Variants in ZAP70 observed in about 807,000 individuals in gnomAD.
The protein encoded by ZAP70 is tyrosine-protein kinase ZAP-70.
ZAP70 carries 27 observed loss-of-function variants against 65.8 expected under a neutral mutation model. The observed-to-expected ratio is 0.41, with a 90% confidence interval of 0.30 to 0.57. The LOEUF is 0.57. Ranked by LOEUF, ZAP70 falls within the 20% of genes least tolerant of loss-of-function variation. The probability of loss-of-function intolerance (pLI) is 0.28; values close to 1 mark genes in which losing one functional copy is unlikely to be tolerated. For missense variants in ZAP70, 696 were observed against 870.5 expected, an observed-to-expected ratio of 0.80 and a Z score of 2.52; for synonymous variants, 363 against 360.8, an observed-to-expected ratio of 1.01 and a Z score of -0.07.
At chr2:97,723,898 G>A in intron 2 of ZAP70, 118 bp from the exon 3 acceptor site, 1 of 1,160,126 alleles carries the variant, frequency 8.6e-7, no homozygotes, top group East Asian at 2.6e-5. Flanking sequence ...TGCCCCCTTG[G>A]CGAGCTCAGT....
rs1321053518 is a variant in ZAP70, at chr2:97,731,762, C to T, written c.564-1121C>T. Among the ~76,000 whole-genome samples the T allele has an allele frequency of 6.6e-6, 1 of 152,238 alleles. No individual in the cohort carries two copies. The highest frequency in any genetic ancestry group is 1.5e-5 in the Non-Finnish European group (1 of 68,044). On this transcript the variant is annotated intron_variant, in intron 4 of 13. Coordinates refer to ENST00000264972, the MANE Select transcript of ZAP70 (RefSeq NM_001079.4). This position sits in a 1 kb window ranked among gnomAD's most constrained non-coding sequence, Gnocchi z 4.0. ...AAAGACTTGTCCAGTGAATGAACATCCACAGGCAGGGCCAGGCCTGGTCTG... is the reference window on the plus strand; with the variant it reads ...AAAGACTTGTCCAGTGAATGAACATTCACAGGCAGGGCCAGGCCTGGTCTG...
rs1263533157 is a variant in ZAP70 at position 97,725,164 on chromosome 2, G to T, written c.475G>T (p.Glu159Ter). The T allele has an allele frequency of 1.2e-6, 2 of 1,614,184 alleles. No homozygotes were observed. Among genetic ancestry groups the T allele is most frequent in the Non-Finnish European group, 1.7e-6 (2 of 1,180,036 alleles). The part of the protein sequence containing the change: ...VEKLIATTAH[E>*]RMPWYHSSLT... ...GAAGCTCATTGCTACGACGGCCCAC[G>T]AGCGGATGCCCTGGTACCACAGCAG... The change falls in exon 4 of 14, where the codon GAG (glutamate) becomes TAG (stop). Residue 159 changes from glutamate (E) to a stop codon, truncating the protein, a stop_gained. Coordinates refer to ENST00000264972, the MANE Select transcript of ZAP70 (RefSeq NM_001079.4). LOFTEE classifies it high-confidence loss of function.
chr2:97,729,165 T>C (rs183133594), intron 4 of ZAP70, among the ~76,000 whole-genome samples: 9 of 152,370 alleles, frequency 5.9e-5, no homozygotes, highest in Admixed American at 2.6e-4. Context: ...CAGACAGTTA[T>C]ATGAGATCAT....
chr2:97,735,236 G>T lies in ZAP70; in HGVS notation c.1083-14G>T. The T allele has an allele frequency of 6.2e-7, 1 of 1,613,640 alleles. No individual in the cohort carries two copies. Among genetic ancestry groups the T allele is most frequent in the African/African-American group, 1.3e-5 (1 of 75,068 alleles). On this transcript the variant is annotated splice_polypyrimidine_tract_variant and intron_variant, in intron 9 of 13. Transcript: ENST00000264972. ...GCCCCTCGCCCACGTGCCTCCCGTG[G>T]CCGGGTCGGGCAGGAAGCAGATCGA...
At chr2:97,749,315 T>A in the ZAP70 span, among the ~76,000 whole-genome samples, 1 of 152,206 alleles carries the variant, frequency 6.6e-6, no homozygotes. Context: ...GGCTGACACT[T>A]CCTATTTTTA....
chr2:97,741,676 A>G (rs1678133793), downstream of ZAP70, among the ~76,000 whole-genome samples: 1 of 152,178 alleles, frequency 6.6e-6, no homozygotes, highest in African/African-American at 2.4e-5. Flanking sequence ...TTACCTCTCA[A>G]CGCAGCCTGG....
rs1200533663 is a variant in ZAP70 at position 97,715,996 on chromosome 2, C to T, written c.-22+2002C>T. On this transcript the variant is annotated intron_variant, in intron 2 of 13. Transcript: ENST00000264972. The surrounding 1 kb of genome is among the most constrained non-coding windows in gnomAD (Gnocchi z 4.1). ...ACTGAGGAGCAGAGACAGAGGCCAT[C>T]AGGGCTGTGATGTGGGAGGATGGGG... 2.0e-5 allele frequency among the ~76,000 whole-genome samples: 3 copies of T among 152,206 alleles called. No individual in the cohort carries two copies. Among genetic ancestry groups the T allele is most frequent in the Middle Eastern group, 3.4e-3 (1 of 294 alleles).
the ZAP70 span, among the ~76,000 whole-genome samples, chr2:97,747,815 G>T: frequency 3.3e-4 from 18 of 54,796 alleles, 1 homozygote; most frequent in South Asian, 0.013. Context: ...CTGGCACGAG[G>T]TTTTTTTTTT....
In ZAP70 at chr2:97,725,214, C is replaced by G. The variant is rs1677338684; in HGVS notation, c.525C>G (p.Arg175=). Reference sequence around the variant, plus strand: ...GCCTGACGCGTGAGGAGGCCGAGCGCAAACTTTACTCTGGGGCGCAGACCG... The same window carrying G: ...GCCTGACGCGTGAGGAGGCCGAGCGGAAACTTTACTCTGGGGCGCAGACCG... ...HSSLTREEAE[R]KLYSGAQTDG... Residue 175 remains arginine, a synonymous_variant, in exon 4 of 14, where the codon CGC becomes CGG. Coordinates refer to ENST00000264972, the MANE Select transcript of ZAP70 (RefSeq NM_001079.4). The G allele has an allele frequency of 8.1e-6, 13 of 1,614,126 alleles. No homozygotes were observed. In the East Asian group the frequency reaches 2.9e-4, roughly 36 times the overall value.
Position 97,735,523 on chromosome 2 carries a change from T to C in ZAP70, c.1289+67T>C, listed in dbSNP as rs13002912. 758,169 of 1,547,492 alleles carry C rather than the reference T, an allele frequency of 0.49. 190,212 individuals carry two copies. The highest frequency in any genetic ancestry group is 0.62 in the African/African-American group (45,921 of 73,750). On this transcript the variant is annotated intron_variant, in intron 10 of 13. Coordinates refer to ENST00000264972, the MANE Select transcript of ZAP70 (RefSeq NM_001079.4). ...GGGCCCATCCTGGGCATGGTGGACA[T>C]GCACCCGCGTGCATGCGTGTGTGGG...
At chr2:97,742,965 T>TA (rs1678165782), downstream of ZAP70, among the ~76,000 whole-genome samples, 1 of 152,220 alleles carries the variant, frequency 6.6e-6, no homozygotes, top group Non-Finnish European at 1.5e-5. Context: ...CAGAGGTTGT[T>TA]AGCTCTCCAT....
Position 97,729,203 on chromosome 2 carries a change from C to A in ZAP70, c.564-3680C>A, listed in dbSNP as rs187943921. Among the ~76,000 whole-genome samples, 3 of 152,306 alleles carry A rather than the reference C, an allele frequency of 2.0e-5. No homozygotes were observed. In the East Asian group the frequency reaches 5.8e-4, roughly 29 times the overall value. ...TTGGTCCTGAACCTCGTCCTTAGAACCCTTTTCAGGTCAAGAAGTTATGAT... is the reference window on the plus strand; with the variant it reads ...TTGGTCCTGAACCTCGTCCTTAGAAACCTTTTCAGGTCAAGAAGTTATGAT... On this transcript the variant is annotated intron_variant, in intron 4 of 13. Transcript: ENST00000264972.
rs371850086 is a variant in ZAP70 at position 97,737,626 on chromosome 2, C to T, written c.1443C>T (p.Gly481=). The part of the protein sequence containing the change: ...NRHYAKISDF[G]LSKALGADDS... ...ACTACGCCAAGATCAGCGACTTTGGCCTCTCCAAAGCACTGGGTGCCGACG... is the reference window on the plus strand; with the variant it reads ...ACTACGCCAAGATCAGCGACTTTGGTCTCTCCAAAGCACTGGGTGCCGACG... Residue 481 remains glycine, a synonymous_variant, in exon 11 of 14, where the codon GGC becomes GGT. Transcript: ENST00000264972. The surrounding 1 kb of genome is among the most constrained non-coding windows in gnomAD (Gnocchi z 5.0). 3.0e-5 allele frequency: 48 copies of T among 1,614,094 alleles called. No individual in the cohort carries two copies. In the African/African-American group the frequency reaches 5.9e-4, roughly 20 times the overall value.
chr2:97,741,633 C>T (rs1297125416), downstream of ZAP70, among the ~76,000 whole-genome samples: 1 of 152,256 alleles, frequency 6.6e-6, no homozygotes, highest in Non-Finnish European at 1.5e-5. Context: ...CTGATCACTG[C>T]TTGCACACCT....
chr2:97,734,259 A>G (rs1677746609), intron 8 of ZAP70: 1 of 970,894 alleles, frequency 1.0e-6, no homozygotes, highest in Non-Finnish European at 1.4e-6. Context: ...CAGCTGGCAC[A>G]GTAACGGTGC....
intron 2 of ZAP70, among the ~76,000 whole-genome samples, chr2:97,721,722 C>T (rs1480430321): frequency 1.3e-5 from 2 of 151,190 alleles, no homozygotes; most frequent in Non-Finnish European, 2.9e-5. Context: ...TGAGCCACCG[C>T]AGCCGGCCAA....
chr2:97,727,203 C>A (rs1677423508), intron 4 of ZAP70, among the ~76,000 whole-genome samples: 1 of 152,240 alleles, frequency 6.6e-6, no homozygotes, highest in African/African-American at 2.4e-5. Flanking sequence ...GTCATACGAC[C>A]AAAACCAAAG....
chr2:97,723,945 G>A (rs1248245618), intron 2 of ZAP70, 71 bp from the exon 3 acceptor site: 13 of 1,505,204 alleles, frequency 8.6e-6, no homozygotes, highest in East Asian at 2.5e-5. Flanking sequence ...CGTCTCTCGC[G>A]CCGTCTTTGG....
intron 2 of ZAP70, among the ~76,000 whole-genome samples, chr2:97,718,325 C>T (rs964554369): frequency 3.9e-5 from 6 of 152,188 alleles, no homozygotes; most frequent in African/African-American, 4.8e-5. Context: ...GCAGACACTC[C>T]GGCTAGCCGC....
Sources: allele counts gnomAD v4.1 joint callset (sites outside exome capture counted in the v4.1 genomes callset), GRCh38; gene constraint gnomAD v4.1.1; non-coding constraint Gnocchi (gnomAD v3.1); transcripts MANE v1.5; gene names NCBI Gene and HGNC (gene_info 2026-07-23, HGNC 2026-07-21).